The following ATAD2B variants were observed in gnomAD, a reference collection of about 807,000 sequenced individuals.
ATAD2B encodes ATPase family AAA domain containing 2B, also known as ATPase family AAA domain-containing protein 2B.
In ATAD2B, 40 loss-of-function variants were observed where a neutral mutation model predicts 167.6. That is an observed-to-expected ratio of 0.24 (90% CI 0.19 to 0.31). ATAD2B has a LOEUF of 0.31. Among genes scored for constraint, ATAD2B ranks in the 10% least tolerant of loss-of-function variants. The pLI is 1.00. For missense variants in ATAD2B, 1,242 were observed against 1,757.2 expected (o/e 0.71, Z 5.24); for synonymous variants, 579 against 596.5 (o/e 0.97, Z 0.43).
chr2:23,764,435 T>C (rs2149327986), intron 23 of ATAD2B, among the ~76,000 whole-genome samples: 2 of 152,326 alleles, frequency 1.3e-5, no homozygotes, highest in South Asian at 4.1e-4. Context: ...CTGAAGTGGG[T>C]AATAGGCAGA....
chr2:23,804,348 G>A (rs928061050), intron 18 of ATAD2B, among the ~76,000 whole-genome samples: 19 of 152,260 alleles, frequency 1.2e-4, no homozygotes, highest in Middle Eastern at 6.8e-3. Context: ...TAGAGGGTGG[G>A]TGTCTGCTAT....
chr2:23,729,618 G>A, the ATAD2B span, among the ~76,000 whole-genome samples: 1 of 152,022 alleles, frequency 6.6e-6, no homozygotes, highest in East Asian at 1.9e-4. Context: ...AGCAAATTAA[G>A]TATTTGCACT....
intron 19 of ATAD2B, among the ~76,000 whole-genome samples, chr2:23,791,901 C>T (rs1460149663): frequency 6.6e-6 from 1 of 152,086 alleles, no homozygotes; most frequent in East Asian, 1.9e-4. Context: ...GTACCTAGAA[C>T]TTGATTGGCT....
intron 2 of ATAD2B, among the ~76,000 whole-genome samples, chr2:23,894,718 T>C (rs1439556265): frequency 1.3e-5 from 2 of 152,158 alleles, no homozygotes; most frequent in Non-Finnish European, 2.9e-5. Flanking sequence ...GTTAATGTAA[T>C]TACATGGCAG....
intron 18 of ATAD2B, among the ~76,000 whole-genome samples, chr2:23,805,009 G>C (rs775105766): frequency 6.6e-6 from 1 of 151,820 alleles, no homozygotes; most frequent in African/African-American, 2.4e-5. Flanking sequence ...TGGGCGTGGT[G>C]GTGGGCGCCT....
the ATAD2B span, among the ~76,000 whole-genome samples, chr2:23,680,737 C>T: frequency 3.4e-5 from 5 of 147,138 alleles, 1 homozygote; most frequent in African/African-American, 1.3e-4. The surrounding 1 kb of genome is among the most constrained non-coding windows in gnomAD (Gnocchi z 4.1). Context: ...GCCATCTTCC[C>T]CTGGGGTCTC....
the ATAD2B span, among the ~76,000 whole-genome samples, chr2:23,687,047 A>G: frequency 6.6e-6 from 1 of 152,164 alleles, no homozygotes; most frequent in Non-Finnish European, 1.5e-5. Context: ...ATGTCTTTTC[A>G]GTCCCCTTGG....
the ATAD2B span, among the ~76,000 whole-genome samples, chr2:23,720,765 C>G: frequency 6.6e-6 from 1 of 152,094 alleles, no homozygotes; most frequent in Non-Finnish European, 1.5e-5. Flanking sequence ...AAAAGAGAAT[C>G]CCACAGTCTC....
the ATAD2B span, among the ~76,000 whole-genome samples, chr2:23,704,802 G>T: frequency 6.6e-6 from 1 of 152,182 alleles, no homozygotes; most frequent in Non-Finnish European, 1.5e-5. Flanking sequence ...CTCATTGTCA[G>T]GACTCCCATA....
At chr2:23,700,634 C>G in the ATAD2B span, among the ~76,000 whole-genome samples, 1 of 152,232 alleles carries the variant, frequency 6.6e-6, no homozygotes, top group Non-Finnish European at 1.5e-5. This position sits in a 1 kb window ranked among gnomAD's most constrained non-coding sequence, Gnocchi z 4.6. Flanking sequence ...ATTCCATTGA[C>G]CCCTCTCAGC....
At chr2:23,815,640 A>T (rs1686325520) in intron 17 of ATAD2B, among the ~76,000 whole-genome samples, 2 of 152,230 alleles carry the variant, frequency 1.3e-5, no homozygotes, top group Non-Finnish European at 2.9e-5. Context: ...GACATCTTTT[A>T]TCTGTTAGAT....
the ATAD2B span, chr2:23,691,788 C>A: frequency 1.3e-6 from 2 of 1,551,722 alleles, no homozygotes; most frequent in Non-Finnish European, 1.7e-6. Flanking sequence ...GCTCCCTGGT[C>A]ATCGACTCGG....
In ATAD2B at chr2:23,926,805, C is replaced by T; in HGVS notation, c.-35G>A. The T allele has an allele frequency of 6.8e-7, 1 of 1,480,646 alleles. No homozygotes were observed. The highest frequency in any genetic ancestry group is 9.0e-7 in the Non-Finnish European group (1 of 1,114,446). 91.7% of individuals were successfully genotyped at this position (1,480,646 alleles called of 1,614,324 possible). A position where few individuals can be genotyped will look rare whatever the true frequency, so the allele number is the denominator to read the frequency against. ...AGGGGGACGGAGTCCACGCCGCGCCCGGGAGAGCCGAGCAAGGCCGGCCCG... is the reference window on the plus strand; with the variant it reads ...AGGGGGACGGAGTCCACGCCGCGCCTGGGAGAGCCGAGCAAGGCCGGCCCG... On this transcript the variant is annotated 5_prime_UTR_variant, in exon 1 of 28. Transcript: ENST00000238789.
the ATAD2B span, among the ~76,000 whole-genome samples, chr2:23,684,869 G>A: frequency 2.0e-5 from 3 of 152,146 alleles, no homozygotes; most frequent in Non-Finnish European, 4.4e-5. The surrounding 1 kb of genome is among the most constrained non-coding windows in gnomAD (Gnocchi z 4.4). Flanking sequence ...TGAGATTAGG[G>A]GGGACTGTAG....
chr2:23,747,278 GAAGA>G (rs536175747), downstream of ATAD2B, among the ~76,000 whole-genome samples: 369 of 151,266 alleles, frequency 2.4e-3, 1 homozygote, highest in African/African-American at 8.2e-3. Context: ...GCTAATTTCT[GAAGA>G]AAGATCAGCA....
the ATAD2B span, among the ~76,000 whole-genome samples, chr2:23,730,591 G>A: frequency 6.8e-6 from 1 of 147,648 alleles, no homozygotes; most frequent in Non-Finnish European, 1.5e-5. Context: ...GCGTGAACCT[G>A]GGAGGTGGAG....
Position 23,927,069 on chromosome 2 carries a change from C to A in ATAD2B, c.-299G>T. 2.7e-6 allele frequency: 1 copy of A among 364,610 alleles called. No homozygotes were observed. The highest frequency in any genetic ancestry group is 5.4e-5 in the South Asian group (1 of 18,392). 22.6% of individuals were successfully genotyped at this position (364,610 alleles called of 1,614,324 possible). A position where few individuals can be genotyped will look rare whatever the true frequency, so the allele number is the denominator to read the frequency against. On this transcript the variant is annotated 5_prime_UTR_variant, in exon 1 of 28. Transcript: ENST00000238789. ...CCGCCATTTCTACCCCTTTCTCTCCCGTTCTCGCTCTCGAGCTCCGTGCGT... is the reference window on the plus strand; with the variant it reads ...CCGCCATTTCTACCCCTTTCTCTCCAGTTCTCGCTCTCGAGCTCCGTGCGT...
At chr2:23,799,332 G>A (rs1683089708) in intron 18 of ATAD2B, among the ~76,000 whole-genome samples, 1 of 151,966 alleles carries the variant, frequency 6.6e-6, no homozygotes, top group Admixed American at 6.6e-5. Flanking sequence ...CAGCACTTTG[G>A]GAGGCTGAGA....
At position 23,758,074 on chromosome 2, in the gene ATAD2B, C is replaced by T. The variant is rs1415601444; in HGVS notation, c.3422G>A (p.Arg1141Lys). 6.3e-7 allele frequency: 1 copy of T among 1,585,156 alleles called. No homozygotes were observed. The highest frequency in any genetic ancestry group is 8.5e-7 in the Non-Finnish European group (1 of 1,173,306). The change falls in exon 25 of 28, where the codon AGA becomes AAA. Residue 1141 changes from arginine to lysine, a missense_variant. This residue lies in a region of ATAD2B where 204 missense variants were observed against 324.0 expected (regional missense o/e 0.63). Coordinates refer to ENST00000238789, the MANE Select transcript of ATAD2B (RefSeq NM_017552.4). ...AFRVRRKSRR[R>K]SQWGKGIIKK... ...AATAATTCCTTTACCCCACTGTGAT[C>T]TCCGCCTTGATTTTCTCCGAACCCG...
Sources: allele counts gnomAD v4.1 joint callset (sites outside exome capture counted in the v4.1 genomes callset), GRCh38; gene constraint gnomAD v4.1.1; regional missense constraint gnomAD v4.1.1; non-coding constraint Gnocchi (gnomAD v3.1); transcripts MANE v1.5; gene names NCBI Gene and HGNC (gene_info 2026-07-23, HGNC 2026-07-21).